ITGA8: variants seen among roughly 807,000 people sequenced by gnomAD.
ITGA8 encodes integrin subunit alpha 8, also known as integrin alpha-8.
In ITGA8, 91 loss-of-function variants were observed where a neutral mutation model predicts 142.3. The observed-to-expected ratio is 0.64, with a 90% CI of 0.54 to 0.76. The LOEUF (loss-of-function observed/expected upper bound fraction) is 0.76. Ranked by LOEUF, ITGA8 falls within the 30% of genes least tolerant of loss-of-function variation. The pLI is 0.00. For synonymous variants in ITGA8, 505 were observed against 485.2 expected, an observed-to-expected ratio of 1.04 and a Z score of -0.54; for missense variants, 1,406 against 1,327.7, an observed-to-expected ratio of 1.06 and a Z score of -0.92.
At chr10:15,633,709 C>G (rs1391512537) in intron 13 of ITGA8, among the ~76,000 whole-genome samples, 1 of 152,154 alleles carries the variant, frequency 6.6e-6, no homozygotes, top group Admixed American at 6.5e-5. Flanking sequence ...CACGAGCCAC[C>G]ATGCCCAGCC....
chr10:15,583,391 C>A (rs1055510332), intron 23 of ITGA8, among the ~76,000 whole-genome samples: 2 of 152,126 alleles, frequency 1.3e-5, no homozygotes, highest in African/African-American at 4.8e-5. Context: ...GAAGGGATAG[C>A]ATTAGGAGAA....
intron 13 of ITGA8, among the ~76,000 whole-genome samples, chr10:15,638,691 TA>T (rs1207390003): frequency 5.3e-5 from 8 of 152,256 alleles, no homozygotes; most frequent in Non-Finnish European, 1.0e-4. Flanking sequence ...TTTAGCATTT[TA>T]AATGTTTGTT....
chr10:15,522,375 C>T (rs1833088221), intron 28 of ITGA8, among the ~76,000 whole-genome samples: 1 of 152,138 alleles, frequency 6.6e-6, no homozygotes, highest in Non-Finnish European at 1.5e-5. Context: ...TTTGACTGCA[C>T]TCAGAGGAAC....
chr10:15,678,315 T>C (rs1217083273), intron 5 of ITGA8, among the ~76,000 whole-genome samples: 2 of 152,208 alleles, frequency 1.3e-5, no homozygotes, highest in African/African-American at 2.4e-5. Flanking sequence ...TTTAATTTTT[T>C]GAAAGGATAT....
In ITGA8 at chr10:15,635,856, G is replaced by A. The variant is rs529015110; in HGVS notation, c.1399+8174C>T. ...GAGCTTAAAGTTTAATTGAAATGCA[G>A]TATTCCCTTTGGATAAAGCCTCCTT... On this transcript the variant is annotated intron_variant, in intron 13 of 29. Coordinates refer to ENST00000378076, the MANE Select transcript of ITGA8 (RefSeq NM_003638.3). Among the ~76,000 whole-genome samples the A allele has an allele frequency of 1.8e-4, 27 of 150,716 alleles. 1 individual carries two copies. Among genetic ancestry groups the A allele is most frequent in the Admixed American group, 3.3e-4 (5 of 15,050 alleles).
chr10:15,605,804 A>C lies in ITGA8; in HGVS notation c.1903-13T>G. 6.2e-7 allele frequency: 1 copy of C among 1,611,958 alleles called. No homozygotes were observed. Among genetic ancestry groups the C allele is most frequent in the Non-Finnish European group, 8.5e-7 (1 of 1,178,216 alleles). On this transcript the variant is annotated splice_polypyrimidine_tract_variant and intron_variant, in intron 18 of 29. Coordinates refer to ENST00000378076, the MANE Select transcript of ITGA8 (RefSeq NM_003638.3). The stretch of plus-strand genomic sequence containing the variant: ...CCAGAATGTGAGCCTGTGTTGTATA[A>C]ACGCACGTCAGGAACAATCTAGGAA...
chr10:15,595,050 C>G (rs546716816), intron 21 of ITGA8, among the ~76,000 whole-genome samples: 21 of 152,210 alleles, frequency 1.4e-4, no homozygotes, highest in African/African-American at 5.1e-4. Context: ...AAAAAATTTT[C>G]CCATGAGAAA....
chr10:15,689,661 C>G (rs996420079), intron 2 of ITGA8, among the ~76,000 whole-genome samples: 1 of 152,226 alleles, frequency 6.6e-6, no homozygotes, highest in African/African-American at 2.4e-5. Flanking sequence ...CATCTGGAAA[C>G]AGGAGCCACT....
At chr10:15,628,324 GTTTTTTTTT>G (rs4030578) in intron 13 of ITGA8, among the ~76,000 whole-genome samples, 2 of 61,564 alleles carry the variant, frequency 3.2e-5, no homozygotes, top group Admixed American at 5.5e-4. Context: ...ATTTATTTTG[GTTTTTTTTT>G]TTTTTTTTTT....
At chr10:15,623,991 C>T (rs2131626675) in intron 13 of ITGA8, among the ~76,000 whole-genome samples, 1 of 152,270 alleles carries the variant, frequency 6.6e-6, no homozygotes, top group East Asian at 1.9e-4. Flanking sequence ...GAGATTCATC[C>T]ACAATGTTGT....
intron 2 of ITGA8, among the ~76,000 whole-genome samples, chr10:15,702,280 T>C (rs1277001700): frequency 6.6e-6 from 1 of 151,902 alleles, no homozygotes; most frequent in Non-Finnish European, 1.5e-5. Flanking sequence ...TACCCTGCCC[T>C]CCACACCTGA....
chr10:15,689,166 C>CA (rs1403978591), intron 2 of ITGA8, among the ~76,000 whole-genome samples: 2 of 152,044 alleles, frequency 1.3e-5, no homozygotes, highest in African/African-American at 4.8e-5. Flanking sequence ...AATCAACATA[C>CA]AAAAACCCCA....
chr10:15,616,436 G>A (rs1833392624), intron 14 of ITGA8, 78 bp downstream of exon 14: 2 of 1,061,452 alleles, frequency 1.9e-6, no homozygotes, highest in Non-Finnish European at 2.9e-6. Flanking sequence ...TCGTTGGAAT[G>A]CTCTCTTTAA....
chr10:15,528,882 T>C (rs1213801138), intron 28 of ITGA8, among the ~76,000 whole-genome samples: 1 of 152,216 alleles, frequency 6.6e-6, no homozygotes, highest in Non-Finnish European at 1.5e-5. Context: ...GTGGCTGTGC[T>C]TGCTTTAAAT....
In ITGA8 at chr10:15,718,894, C is replaced by A. The variant is rs1393135685; in HGVS notation, c.215G>T (p.Ser72Ile). 4 of 1,613,962 alleles carry A rather than the reference C, an allele frequency of 2.5e-6. No individual in the cohort carries two copies. The highest frequency in any genetic ancestry group is 3.4e-6 in the Non-Finnish European group (4 of 1,180,040). The change falls in exon 2 of 30, where the codon AGT (serine) becomes ATT (isoleucine). Residue 72 changes from serine (S) to isoleucine (I), a missense_variant. Coordinates refer to ENST00000378076, the MANE Select transcript of ITGA8 (RefSeq NM_003638.3). Reference sequence around the variant, plus strand: ...GGCTTTGGGCGCCCCCACCAAGACACTCGCTCTGCAAAAGAGTTGGAGAAA... The same window carrying A: ...GGCTTTGGGCGCCCCCACCAAGACAATCGCTCTGCAAAAGAGTTGGAGAAA... ...DFHIPDARTA[S>I]VLVGAPKANT...
intron 23 of ITGA8, among the ~76,000 whole-genome samples, chr10:15,585,968 A>G (rs1051975065): frequency 6.6e-6 from 1 of 151,312 alleles, no homozygotes; most frequent in African/African-American, 2.4e-5. Flanking sequence ...AGGGAATCAC[A>G]TGGTTGTCTA....
At chr10:15,707,061 G>C (rs1207871235) in intron 2 of ITGA8, among the ~76,000 whole-genome samples, 1 of 152,136 alleles carries the variant, frequency 6.6e-6, no homozygotes, top group Admixed American at 6.5e-5. Context: ...TTAGGTCCTT[G>C]CTCAGATATC....
At chr10:15,631,622 G>A (rs931212570) in intron 13 of ITGA8, among the ~76,000 whole-genome samples, 1 of 151,582 alleles carries the variant, frequency 6.6e-6, no homozygotes. Context: ...TGTAGATGAC[G>A]GGTTGATGGG....
At chr10:15,673,177 G>A (rs971194090) in intron 6 of ITGA8, among the ~76,000 whole-genome samples, 1 of 152,064 alleles carries the variant, frequency 6.6e-6, no homozygotes, top group South Asian at 2.1e-4. Flanking sequence ...TCTGTCTCCC[G>A]GGTTCAAGTG....
Sources: allele counts gnomAD v4.1 joint callset (sites outside exome capture counted in the v4.1 genomes callset), GRCh38; gene constraint gnomAD v4.1.1; transcripts MANE v1.5; gene names NCBI Gene and HGNC (gene_info 2026-07-23, HGNC 2026-07-21).